Variants in CRB1 observed in about 807,000 individuals in gnomAD.
The protein encoded by CRB1 is protein crumbs homolog 1.
A neutral mutation model predicts 120.0 loss-of-function variants in CRB1; 83 were observed. The observed-to-expected ratio is 0.69, with a 90% CI of 0.58 to 0.83. CRB1 has a LOEUF of 0.83. Ranked by LOEUF, CRB1 falls within the 40% of genes least tolerant of loss-of-function variation. The probability of loss-of-function intolerance (pLI) is 0.00; values close to 1 mark genes in which losing one functional copy is unlikely to be tolerated. For synonymous variants in CRB1, 625 were observed against 612.5 expected, an observed-to-expected ratio of 1.02 and a Z score of -0.30; for missense variants, 1,699 against 1,687.6, an observed-to-expected ratio of 1.01 and a Z score of -0.12.
intron 9 of CRB1, among the ~76,000 whole-genome samples, chr1:197,435,967 G>A (rs1184877235): frequency 1.3e-5 from 2 of 152,118 alleles, no homozygotes; most frequent in Non-Finnish European, 2.9e-5. Context: ...GTTAGGGAAG[G>A]CATGACTTCT....
At chr1:197,346,461 T>C (rs1298818535) in intron 3 of CRB1, among the ~76,000 whole-genome samples, 1 of 152,174 alleles carries the variant, frequency 6.6e-6, no homozygotes, top group Non-Finnish European at 1.5e-5. Context: ...ACAAATGGAA[T>C]ACTGAATAGA....
At chr1:197,297,679 A>G (rs1325888177) in intron 1 of CRB1, among the ~76,000 whole-genome samples, 1 of 152,120 alleles carries the variant, frequency 6.6e-6, no homozygotes, top group Admixed American at 6.6e-5. Flanking sequence ...ATTGAGGATC[A>G]CCCAGGTGAG....
chr1:197,322,060 C>T (rs1370460207), intron 1 of CRB1, among the ~76,000 whole-genome samples: 1 of 152,198 alleles, frequency 6.6e-6, no homozygotes. Flanking sequence ...CTATCCAACA[C>T]AGTAGCCATT....
Position 197,424,227 on chromosome 1 carries a change from A to G in CRB1, c.2128+2271A>G, listed in dbSNP as rs578116043. The stretch of plus-strand genomic sequence containing the variant: ...TGCTCAAACACCTTCACAAATAGAG[A>G]GATCACTCACTCCATCTTGCCAAAA... On this transcript the variant is annotated intron_variant, in intron 6 of 11. Transcript: ENST00000367400. 2.1e-4 allele frequency among the ~76,000 whole-genome samples: 32 copies of G among 152,278 alleles called. 1 individual carries two copies. In the South Asian group the frequency reaches 6.6e-3, roughly 32 times the overall value.
rs1470014791 is a variant in CRB1 at position 197,344,426 on chromosome 1, T to C, written c.798T>C (p.Cys266=). The stretch of plus-strand genomic sequence containing the variant: ...ACTGTGAACTCAACACTGATGAGTG[T>C]GCCAGTCAACCTTGTCTCCATGGAG... ...GDHCELNTDE[C]ASQPCLHGGL... is the part of the protein sequence containing the mutation. Residue 266 remains cysteine (C), a synonymous_variant, in exon 3 of 12, where the codon TGT becomes TGC. Transcript: ENST00000367400. 1.9e-6 allele frequency: 3 copies of C among 1,613,976 alleles called. No homozygotes were observed.
intron 5 of CRB1, among the ~76,000 whole-genome samples, chr1:197,403,521 C>CA (rs1406859372): frequency 6.6e-6 from 1 of 152,076 alleles, no homozygotes; most frequent in African/African-American, 2.4e-5. Flanking sequence ...CCTATAACTT[C>CA]AAAAATGTCT....
chr1:197,424,948 C>T (rs970829021), intron 6 of CRB1, among the ~76,000 whole-genome samples: 2 of 152,138 alleles, frequency 1.3e-5, no homozygotes, highest in African/African-American at 4.8e-5. Context: ...TGTAGCAAAT[C>T]ACACATGCTG....
chr1:197,419,430 T>G (rs1489175067), intron 5 of CRB1, among the ~76,000 whole-genome samples: 1 of 151,984 alleles, frequency 6.6e-6, no homozygotes, highest in Non-Finnish European at 1.5e-5. Context: ...TGGCATGATC[T>G]TGGCTCACTG....
intron 5 of CRB1, among the ~76,000 whole-genome samples, chr1:197,373,135 C>T (rs1661462019): frequency 6.6e-6 from 1 of 152,118 alleles, no homozygotes; most frequent in Non-Finnish European, 1.5e-5. Flanking sequence ...TACCTCTTCT[C>T]CAATCATCTG....
intron 5 of CRB1, among the ~76,000 whole-genome samples, chr1:197,416,415 A>G (rs537548373): frequency 3.4e-4 from 52 of 152,318 alleles, no homozygotes; most frequent in African/African-American, 1.2e-3. Context: ...TACTATGTAC[A>G]ATGCATTTTC....
intron 4 of CRB1, among the ~76,000 whole-genome samples, chr1:197,348,321 C>T (rs1192366507): frequency 2.0e-5 from 3 of 152,026 alleles, no homozygotes; most frequent in Non-Finnish European, 4.4e-5. Context: ...TTCAGTGGGA[C>T]AAGATGTGGA....
upstream of CRB1, among the ~76,000 whole-genome samples, chr1:197,266,154 C>G (rs556597548): frequency 3.9e-5 from 6 of 152,240 alleles, no homozygotes; most frequent in African/African-American, 1.4e-4. Context: ...CACTCTTGCC[C>G]TATTTATTTG....
At chr1:197,322,505 C>A (rs1347833809) in intron 1 of CRB1, among the ~76,000 whole-genome samples, 2 of 151,570 alleles carry the variant, frequency 1.3e-5, no homozygotes, top group Non-Finnish European at 2.9e-5. Context: ...ATACCAATTA[C>A]ATATTTAAAT....
At chr1:197,255,433 G>A in the CRB1 span, among the ~76,000 whole-genome samples, 4 of 151,802 alleles carry the variant, frequency 2.6e-5, no homozygotes, top group Admixed American at 6.6e-5. Context: ...ATTTTCTTAA[G>A]GTAATTTGTT....
intron 5 of CRB1, among the ~76,000 whole-genome samples, chr1:197,395,352 G>A (rs765142930): frequency 7.9e-5 from 12 of 152,014 alleles, no homozygotes; most frequent in Non-Finnish European, 1.3e-4. Flanking sequence ...GATATTTACC[G>A]TACAAGGAAG....
chr1:197,240,713 C>T, the CRB1 span, among the ~76,000 whole-genome samples: 1 of 152,110 alleles, frequency 6.6e-6, no homozygotes, highest in Non-Finnish European at 1.5e-5. Flanking sequence ...GATTTATAAT[C>T]CTTTGAGTAT....
At chr1:197,250,801 G>C in the CRB1 span, among the ~76,000 whole-genome samples, 5 of 151,984 alleles carry the variant, frequency 3.3e-5, 1 homozygote, top group South Asian at 1.0e-3. Flanking sequence ...GGGAGGAGCT[G>C]CACCTCAGTC....
At chr1:197,433,312 A>G (rs1306380718) in intron 8 of CRB1, among the ~76,000 whole-genome samples, 1 of 152,152 alleles carries the variant, frequency 6.6e-6, no homozygotes, top group East Asian at 1.9e-4. Flanking sequence ...AGGGACACTA[A>G]GAAGTAATTA....
chr1:197,319,432 C>CAAAAAA (rs10646084), intron 1 of CRB1, among the ~76,000 whole-genome samples: 113 of 26,964 alleles, frequency 4.2e-3, no homozygotes, highest in East Asian at 4.6e-3. Context: ...GACTCCATCT[C>CAAAAAA]AAAAAAAAAA....
Sources: gnomAD v4.1 joint callset for allele counts (sites outside exome capture counted in the v4.1 genomes callset) on GRCh38, gnomAD v4.1.1 for gene constraint, MANE v1.5 for transcripts, NCBI Gene and HGNC (gene_info 2026-07-23, HGNC 2026-07-21) for gene names.